PCDH1: variants seen among roughly 807,000 people sequenced by gnomAD.
PCDH1 encodes the protein protocadherin-1.
In PCDH1, 23 loss-of-function variants were observed where a neutral mutation model predicts 74.6. That is an observed-to-expected ratio of 0.31 (90% CI 0.22 to 0.44). The LOEUF is 0.44. Among genes scored for constraint, PCDH1 ranks in the 20% least tolerant of loss-of-function variants. The pLI, the probability that PCDH1 is intolerant of heterozygous loss-of-function variation, is 1.00. For synonymous variants in PCDH1, 647 were observed against 686.1 expected (o/e 0.94, Z 0.89); for missense variants, 1,214 against 1,641.4 (o/e 0.74, Z 4.50).
rs368331866 is a variant in PCDH1 at position 141,864,201 on chromosome 5, G to A, written c.2130C>T (p.Asp710=). 4 of 1,606,800 alleles carry A rather than the reference G, an allele frequency of 2.5e-6. No homozygotes were observed. The highest frequency in any genetic ancestry group is 3.4e-6 in the Non-Finnish European group (4 of 1,174,370). Residue 710 remains aspartate, a synonymous_variant, in exon 3 of 5, where the codon GAC becomes GAT. Coordinates refer to ENST00000287008, the MANE Select transcript of PCDH1 (RefSeq NM_032420.5). The surrounding 1 kb of genome is among the most constrained non-coding windows in gnomAD (Gnocchi z 5.9). ...AAGGGGCAGTGATATAGGGTGCGTT[G>A]TCATTCTCGTCCAGCACATTGATGG... ...GVTINVLDEN[D]NAPYITAPSN... is the part of the protein sequence containing the mutation.
chr5:141,859,841 C>T (rs1752498244), intron 3 of PCDH1, among the ~76,000 whole-genome samples: 1 of 152,174 alleles, frequency 6.6e-6, no homozygotes, highest in South Asian at 2.1e-4. Context: ...AAACTCAGTT[C>T]ATCTAAAACA....
chr5:141,876,203 G>C (rs963574015), intron 1 of PCDH1, among the ~76,000 whole-genome samples: 1 of 152,220 alleles, frequency 6.6e-6, no homozygotes, highest in South Asian at 2.1e-4. Flanking sequence ...CACCCCGGCA[G>C]CGCCCAGCCT....
intron 2 of PCDH1, chr5:141,866,338 A>G: frequency 3.4e-6 from 2 of 585,036 alleles, no homozygotes; most frequent in Non-Finnish European, 4.3e-6. Context: ...GCATCAAACA[A>G]TGAACTGTCT....
chr5:141,854,442 G>A lies in PCDH1; in HGVS notation c.3320-6C>T, dbSNP rs1251333241. 1 of 1,596,038 alleles carries A rather than the reference G, an allele frequency of 6.3e-7. No homozygotes were observed. Among genetic ancestry groups the A allele is most frequent in the Non-Finnish European group, 8.5e-7 (1 of 1,170,478 alleles). On this transcript the variant is annotated splice_region_variant and splice_polypyrimidine_tract_variant and intron_variant, in intron 4 of 4. Transcript: ENST00000287008. Reference sequence around the variant, plus strand: ...ATCAGGCAAAGGGCGAAGGTCTGTAGGAGGGAGCGGGGAAGGACAATTGTC... The same window carrying A: ...ATCAGGCAAAGGGCGAAGGTCTGTAAGAGGGAGCGGGGAAGGACAATTGTC...
chr5:141,873,254 T>C (rs1324849630), intron 1 of PCDH1, among the ~76,000 whole-genome samples: 5 of 151,480 alleles, frequency 3.3e-5, no homozygotes, highest in African/African-American at 9.7e-5. Context: ...GCCTCCCAAG[T>C]AGCTGGGACT....
At position 141,864,936 on chromosome 5, in the gene PCDH1, G is replaced by C; in HGVS notation, c.1395C>G (p.Asp465Glu). The C allele has an allele frequency of 7.4e-6, 12 of 1,614,160 alleles. No homozygotes were observed. The highest frequency in any genetic ancestry group is 1.0e-5 in the Non-Finnish European group (12 of 1,180,030). The part of the protein sequence containing the change: ...KYFLQTTTPL[D>E]YEKVKDYTIE... Reference sequence around the variant, plus strand: ...TGGTGTAGTCTTTGACCTTCTCGTAGTCTAGCGGGGTGGTAGTCTGCAGGA... The same window carrying C: ...TGGTGTAGTCTTTGACCTTCTCGTACTCTAGCGGGGTGGTAGTCTGCAGGA... Residue 465 changes from aspartate (D) to glutamate (E), a missense_variant, in exon 3 of 5, where the codon GAC (aspartate) becomes GAG (glutamate). Around this residue, in one of 4 missense-constraint regions of PCDH1, gnomAD observed 836 missense variants for 1,182.2 expected, o/e 0.71. Transcript: ENST00000287008. The surrounding 1 kb of genome is among the most constrained non-coding windows in gnomAD (Gnocchi z 5.9).
chr5:141,871,795 T>A (rs1753101374), intron 1 of PCDH1, among the ~76,000 whole-genome samples: 1 of 152,044 alleles, frequency 6.6e-6, no homozygotes, highest in Admixed American at 6.5e-5. Context: ...GAATGACTGT[T>A]GTTATTTTGC....
rs941873031 is a variant in PCDH1 at position 141,856,192 on chromosome 5, A to G, written c.3319+1060T>C. On this transcript the variant is annotated intron_variant, in intron 4 of 4. Transcript: ENST00000287008. ...GGCTGGGTGCTGGGCAGAGTCCCACAGACCCCAGACCCCAGAGCAGTTCCC... is the reference window on the plus strand; with the variant it reads ...GGCTGGGTGCTGGGCAGAGTCCCACGGACCCCAGACCCCAGAGCAGTTCCC... 6 of 1,533,664 alleles carry G rather than the reference A, an allele frequency of 3.9e-6. No homozygotes were observed. In the African/African-American group the frequency reaches 8.2e-5, roughly 21 times the overall value.
At chr5:141,859,661 C>T (rs1304050097) in intron 3 of PCDH1, among the ~76,000 whole-genome samples, 2 of 152,182 alleles carry the variant, frequency 1.3e-5, no homozygotes, top group Non-Finnish European at 2.9e-5. Context: ...ATCCCTACCT[C>T]ATATCCAATT....
rs756940965 is a variant in PCDH1, at chr5:141,865,056, T to C, written c.1275A>G (p.Gly425=). Residue 425 remains glycine, a synonymous_variant, in exon 3 of 5, where the codon GGA becomes GGG. Transcript: ENST00000287008. This position sits in a 1 kb window ranked among gnomAD's most constrained non-coding sequence, Gnocchi z 4.4. ...ALVQVSDRDE[G]ENAAVTCVVA... Reference sequence around the variant, plus strand: ...CCACACAGGTGACAGCTGCATTCTCTCCCTCATCTCGGTCAGACACCTGCA... The same window carrying C: ...CCACACAGGTGACAGCTGCATTCTCCCCCTCATCTCGGTCAGACACCTGCA... 6.2e-7 allele frequency: 1 copy of C among 1,614,108 alleles called. No individual in the cohort carries two copies. Among genetic ancestry groups the C allele is most frequent in the Non-Finnish European group, 8.5e-7 (1 of 1,180,022 alleles).
Position 141,865,288 on chromosome 5 carries a change from T to A in PCDH1, c.1043A>T (p.Glu348Val). 5 of 1,614,228 alleles carry A rather than the reference T, an allele frequency of 3.1e-6. No individual in the cohort carries two copies. The highest frequency in any genetic ancestry group is 4.2e-6 in the Non-Finnish European group (5 of 1,180,044). Residue 348 changes from glutamate (E) to valine (V), a missense_variant, in exon 3 of 5, where the codon GAG (glutamate) becomes GTG (valine). Around this residue, in one of 4 missense-constraint regions of PCDH1, gnomAD observed 836 missense variants for 1,182.2 expected, o/e 0.71. Transcript: ENST00000287008. The surrounding 1 kb of genome is among the most constrained non-coding windows in gnomAD (Gnocchi z 4.4). ...LITVQGPVDR[E>V]DLSTLRFSVL... ...TGAGAAGCGCAGGGTGCTTAGGTCC[T>A]CACGGTCCACCGGGCCCTGAACAGT... is the stretch of plus-strand genomic sequence containing the variant.
At chr5:141,860,853 T>C (rs1352440058) in intron 3 of PCDH1, among the ~76,000 whole-genome samples, 1 of 152,076 alleles carries the variant, frequency 6.6e-6, no homozygotes, top group Non-Finnish European at 1.5e-5. Context: ...TGGTGGCTCA[T>C]GCCTGTAATC....
chr5:141,862,024 T>C (rs1487766639), intron 3 of PCDH1, among the ~76,000 whole-genome samples: 1 of 151,118 alleles, frequency 6.6e-6, no homozygotes, highest in Admixed American at 6.6e-5. Flanking sequence ...GCAAAGAACT[T>C]AGGAATTCGC....
Position 141,857,384 on chromosome 5 carries a change from G to A in PCDH1, c.3187C>T (p.Leu1063=). 1.9e-6 allele frequency: 3 copies of A among 1,614,070 alleles called. No individual in the cohort carries two copies. Among genetic ancestry groups the A allele is most frequent in the Non-Finnish European group, 2.5e-6 (3 of 1,179,984 alleles). Residue 1063 remains leucine, a synonymous_variant, in exon 4 of 5, where the codon CTG becomes TTG. Transcript: ENST00000287008. The part of the protein sequence containing the change: ...PSQHSYYDSG[L]EESETPSSKS... ...CTGGACGGCGTCTCAGACTCCTCCA[G>A]GCCACTGTCATAGTAACTGTGCTGG...
chr5:141,878,145 C>T lies in PCDH1; in HGVS notation c.40+78G>A. 7.6e-7 allele frequency: 1 copy of T among 1,324,276 alleles called. No homozygotes were observed. The highest frequency in any genetic ancestry group is 9.9e-7 in the Non-Finnish European group (1 of 1,013,104). 82.0% of individuals were successfully genotyped at this position (1,324,276 alleles called of 1,614,324 possible). ...CCCCGCGGCCTCGCTCCGCCGAGCGCCCCTCCCTCAGCTCCCGCCGGCCAT... is the reference window on the plus strand; with the variant it reads ...CCCCGCGGCCTCGCTCCGCCGAGCGTCCCTCCCTCAGCTCCCGCCGGCCAT... On this transcript the variant is annotated intron_variant, in intron 1 of 4. Transcript: ENST00000287008. This position sits in a 1 kb window ranked among gnomAD's most constrained non-coding sequence, Gnocchi z 5.5.
At position 141,863,068 on chromosome 5, in the gene PCDH1, C is replaced by CAAA; in HGVS notation, c.3099+163_3099+164insTTT. On this transcript the variant is annotated intron_variant, in intron 3 of 4. Transcript: ENST00000287008. The surrounding 1 kb of genome is among the most constrained non-coding windows in gnomAD (Gnocchi z 7.5). ...CTTCACTCAGCCTAATCCGTGTGCC[C>CAAA]GGTGAGGCACTAAGGCCCCACCTCC... 1 of 1,364,926 alleles carries CAAA rather than the reference C, an allele frequency of 7.3e-7. No individual in the cohort carries two copies. Among genetic ancestry groups the CAAA allele is most frequent in the Non-Finnish European group, 9.5e-7 (1 of 1,054,908 alleles). 84.6% of individuals were successfully genotyped at this position (1,364,926 alleles called of 1,614,324 possible).
At chr5:141,858,323 C>T (rs550964551) in intron 3 of PCDH1, among the ~76,000 whole-genome samples, 38 of 152,298 alleles carry the variant, frequency 2.5e-4, no homozygotes, top group African/African-American at 8.4e-4. Context: ...CCAGTCCTCC[C>T]GATCAGGAAA....
At chr5:141,855,207 TC>T (rs1358138003) in intron 4 of PCDH1, among the ~76,000 whole-genome samples, 1 of 151,998 alleles carries the variant, frequency 6.6e-6, no homozygotes, top group Non-Finnish European at 1.5e-5. Context: ...ACTCCTGAGT[TC>T]AAGCAATCCG....
At position 141,853,831 on chromosome 5, in the gene PCDH1, G is replaced by T. The variant is rs545426786; in HGVS notation, c.*211C>A. 1.9e-5 allele frequency: 8 copies of T among 424,396 alleles called. No homozygotes were observed. Among genetic ancestry groups the T allele is most frequent in the Admixed American group, 1.2e-4 (3 of 25,580 alleles). 26.3% of individuals were successfully genotyped at this position (424,396 alleles called of 1,614,324 possible). A position where few individuals can be genotyped will look rare whatever the true frequency, so the allele number is the denominator to read the frequency against. ...GGGGGAAGCCCCATAAAGGGGAAGGGGCCCCTGGGGGCTGGGAGATGGAAA... is the reference window on the plus strand; with the variant it reads ...GGGGGAAGCCCCATAAAGGGGAAGGTGCCCCTGGGGGCTGGGAGATGGAAA... On this transcript the variant is annotated 3_prime_UTR_variant, in exon 5 of 5. Coordinates refer to ENST00000287008, the MANE Select transcript of PCDH1 (RefSeq NM_032420.5).
Sources: gnomAD v4.1 joint callset for allele counts (sites outside exome capture counted in the v4.1 genomes callset) on GRCh38, gnomAD v4.1.1 for gene constraint, gnomAD v4.1.1 regional missense constraint, Gnocchi (gnomAD v3.1) non-coding constraint, MANE v1.5 for transcripts, NCBI Gene and HGNC (gene_info 2026-07-23, HGNC 2026-07-21) for gene names.